TENM2: variants seen among roughly 807,000 people sequenced by gnomAD.
TENM2 encodes the protein teneurin transmembrane protein 2.
Under a neutral mutation model 245.2 loss-of-function variants are expected in TENM2, and 52 were observed. The ratio of observed to expected loss-of-function variants is 0.21; its 90% CI spans 0.17 to 0.27. The LOEUF is 0.27. TENM2 is among the 10% of genes least tolerant of loss of function. TENM2 has a pLI of 1.00. For synonymous variants in TENM2, 1,363 were observed against 1,438.9 expected (o/e 0.95, Z 1.19); for missense variants, 3,046 against 3,666.8 (o/e 0.83, Z 4.37).
chr5:167,336,665 C>T (rs554426938), intron 1 of TENM2, among the ~76,000 whole-genome samples: 48 of 152,160 alleles, frequency 3.2e-4, no homozygotes, highest in African/African-American at 1.2e-3. Context: ...TCTTATCATA[C>T]CCTTTGAGAA....
At chr5:167,337,256 G>T (rs910018207) in intron 1 of TENM2, among the ~76,000 whole-genome samples, 2 of 151,030 alleles carry the variant, frequency 1.3e-5, no homozygotes, top group African/African-American at 4.9e-5. Context: ...ATGAAAGCAA[G>T]CAAGTTTACA....
At chr5:167,820,840 G>A (rs1767466919) in intron 2 of TENM2, among the ~76,000 whole-genome samples, 1 of 152,280 alleles carries the variant, frequency 6.6e-6, no homozygotes, top group South Asian at 2.1e-4. Context: ...CTCATTTAAA[G>A]GCAAAGTGTG....
chr5:167,622,021 CCTG>C (rs1778208324), intron 2 of TENM2, among the ~76,000 whole-genome samples: 1 of 152,104 alleles, frequency 6.6e-6, no homozygotes, highest in Non-Finnish European at 1.5e-5. Flanking sequence ...ATGAGAGACT[CCTG>C]CTGACAGCTG....
At chr5:167,620,011 C>T (rs1778052495) in intron 2 of TENM2, among the ~76,000 whole-genome samples, 1 of 152,074 alleles carries the variant, frequency 6.6e-6, no homozygotes, top group African/African-American at 2.4e-5. Context: ...TGATTAGAAG[C>T]AAAGTGTGAT....
In TENM2 at chr5:167,405,259, G is replaced by A. The variant is rs139760497; in HGVS notation, c.502+29786G>A. Among the ~76,000 whole-genome samples, 319 of 151,930 alleles carry A rather than the reference G, an allele frequency of 2.1e-3. 2 individuals carry two copies. Among genetic ancestry groups the A allele is most frequent in the African/African-American group, 7.5e-3 (310 of 41,438 alleles). On this transcript the variant is annotated intron_variant, in intron 2 of 28. Transcript: ENST00000518659. Reference sequence around the variant, plus strand: ...TTTTTTTCTTCTTGGCATCGTGTATGATTTCCGAATAGCATGGTGCAAAAT... The same window carrying A: ...TTTTTTTCTTCTTGGCATCGTGTATAATTTCCGAATAGCATGGTGCAAAAT...
chr5:167,929,095 AAGAAAGAAAG>A (rs1778051401), intron 3 of TENM2, among the ~76,000 whole-genome samples: 1 of 141,792 alleles, frequency 7.1e-6, no homozygotes, highest in Non-Finnish European at 1.5e-5. Flanking sequence ...GAAAGAAAGA[AAGAAAGAAAG>A]AAAGAAAGAA....
chr5:167,160,722 A>C, the TENM2 span, among the ~76,000 whole-genome samples: 1 of 152,268 alleles, frequency 6.6e-6, no homozygotes, highest in African/African-American at 2.4e-5. Flanking sequence ...CTCTAATTAT[A>C]CATGTATTTA....
the TENM2 span, among the ~76,000 whole-genome samples, chr5:167,075,442 G>A: frequency 1.3e-5 from 2 of 152,162 alleles, no homozygotes; most frequent in African/African-American, 4.8e-5. Context: ...GTAGGTAGAG[G>A]ATGGTAAGGA....
Position 168,216,758 on chromosome 5 carries a change from T to A in TENM2, c.4079-10T>A. The A allele has an allele frequency of 6.2e-7, 1 of 1,613,782 alleles. No individual in the cohort carries two copies. Among genetic ancestry groups the A allele is most frequent in the Non-Finnish European group, 8.5e-7 (1 of 1,179,740 alleles). The stretch of plus-strand genomic sequence containing the variant: ...CCAAGAGATAAATCCACACCGCTTG[T>A]CTTGCTCAGGTATTGCAGTAGACAA... On this transcript the variant is annotated splice_polypyrimidine_tract_variant and intron_variant, in intron 21 of 28. Coordinates refer to ENST00000518659, the Ensembl canonical transcript of TENM2.
chr5:168,097,029 C>G (rs1040525138), intron 8 of TENM2, among the ~76,000 whole-genome samples: 7 of 152,146 alleles, frequency 4.6e-5, no homozygotes, highest in African/African-American at 1.7e-4. Flanking sequence ...TGAACTAATT[C>G]ATTTTCATGA....
At chr5:167,962,670 A>G (rs2249289) in intron 4 of TENM2, among the ~76,000 whole-genome samples, 16,423 of 152,204 alleles carry the variant, frequency 0.11, 978 homozygotes, top group African/African-American at 0.15. Context: ...CATGGTAGAA[A>G]GGGAAGCAAA....
At chr5:167,187,945 G>A in the TENM2 span, among the ~76,000 whole-genome samples, 1 of 152,166 alleles carries the variant, frequency 6.6e-6, no homozygotes, top group Non-Finnish European at 1.5e-5. Flanking sequence ...GGCAGAGGCT[G>A]TTGTGTTTTG....
At chr5:168,253,264 G>T (rs1767298806) in intron 27 of TENM2, among the ~76,000 whole-genome samples, 1 of 151,786 alleles carries the variant, frequency 6.6e-6, no homozygotes. Flanking sequence ...ACCGCGCCTG[G>T]CAGAGCCACA....
chr5:167,617,114 G>C (rs763564756), intron 2 of TENM2, among the ~76,000 whole-genome samples: 1 of 152,142 alleles, frequency 6.6e-6, no homozygotes, highest in Non-Finnish European at 1.5e-5. Flanking sequence ...TTTCCAGTGG[G>C]TGCCCTAGTT....
At chr5:167,470,454 CTTTTTTTT>C (rs749016436) in intron 2 of TENM2, among the ~76,000 whole-genome samples, 3 of 47,394 alleles carry the variant, frequency 6.3e-5, no homozygotes. Flanking sequence ...GCAATGCTTG[CTTTTTTTT>C]TTTTTTTTTT....
intron 12 of TENM2, 78 bp from the exon 15 acceptor site, chr5:168,162,533 T>C: frequency 1.3e-6 from 2 of 1,512,286 alleles, no homozygotes; most frequent in Non-Finnish European, 9.0e-7. Context: ...GCGGCCTTGC[T>C]CCCCTCTGCA....
intron 10 of TENM2, among the ~76,000 whole-genome samples, chr5:168,123,572 G>C (rs1222304328): frequency 6.6e-6 from 1 of 152,182 alleles, no homozygotes; most frequent in Non-Finnish European, 1.5e-5. Context: ...CTGTCAGCGT[G>C]GTCCATAAAA....
intron 2 of TENM2, among the ~76,000 whole-genome samples, chr5:167,445,376 G>A (rs1347858961): frequency 6.7e-6 from 1 of 148,476 alleles, no homozygotes; most frequent in Non-Finnish European, 1.5e-5. Context: ...GAGAGTGTCA[G>A]GTGTTGTCTT....
At chr5:167,144,910 G>C in the TENM2 span, among the ~76,000 whole-genome samples, 2 of 152,210 alleles carry the variant, frequency 1.3e-5, no homozygotes, top group African/African-American at 4.8e-5. Context: ...TAAAATCAAA[G>C]TGTTGACGTG....
Sources: allele counts gnomAD v4.1 joint callset (sites outside exome capture counted in the v4.1 genomes callset), GRCh38; gene constraint gnomAD v4.1.1; transcripts MANE v1.5; gene names NCBI Gene and HGNC (gene_info 2026-07-23, HGNC 2026-07-21).